Variants in TRAF3IP1 observed in about 807,000 individuals in gnomAD.
TRAF3IP1 encodes intraflagellar transport 54.
A neutral mutation model predicts 89.9 loss-of-function variants in TRAF3IP1; 53 were observed. The observed-to-expected ratio is 0.59, with a 90% CI of 0.47 to 0.74. The LOEUF (loss-of-function observed/expected upper bound fraction) is 0.74. Ranked by LOEUF, TRAF3IP1 falls within the 30% of genes least tolerant of loss-of-function variation. TRAF3IP1 has a pLI of 0.00. For synonymous variants in TRAF3IP1, 311 were observed against 322.1 expected, an observed-to-expected ratio of 0.97 and a Z score of 0.37; for missense variants, 806 against 866.1, an observed-to-expected ratio of 0.93 and a Z score of 0.87.
At chr2:238,364,770 T>C (rs1699804942) in intron 15 of TRAF3IP1, among the ~76,000 whole-genome samples, 1 of 152,226 alleles carries the variant, frequency 6.6e-6, no homozygotes, top group Non-Finnish European at 1.5e-5. Flanking sequence ...TTGTGACTGC[T>C]CTCTTCTCTA....
intron 15 of TRAF3IP1, among the ~76,000 whole-genome samples, chr2:238,377,010 T>C (rs1574960061): frequency 1.3e-5 from 2 of 151,478 alleles, no homozygotes; most frequent in African/African-American, 2.4e-5. Context: ...GGCAGAGGAG[T>C]GATTCAAGCC....
chr2:238,387,904 C>A (rs1428134430), intron 15 of TRAF3IP1, among the ~76,000 whole-genome samples: 1 of 152,028 alleles, frequency 6.6e-6, no homozygotes, highest in Non-Finnish European at 1.5e-5. Flanking sequence ...CATAGCAAGA[C>A]CTTGTTTCTG....
intron 15 of TRAF3IP1, among the ~76,000 whole-genome samples, chr2:238,357,133 G>A (rs1699452049): frequency 6.6e-6 from 1 of 152,028 alleles, no homozygotes; most frequent in Non-Finnish European, 1.5e-5. Flanking sequence ...CTGGTTCCCC[G>A]CAGTCTCCCT....
chr2:238,382,081 C>G (rs185433090), intron 15 of TRAF3IP1, among the ~76,000 whole-genome samples: 9 of 152,186 alleles, frequency 5.9e-5, no homozygotes, highest in Admixed American at 4.6e-4. Context: ...ACTTGAGAAG[C>G]CTTTCCAGAA....
intron 13 of TRAF3IP1, 100 bp downstream of exon 13, chr2:238,353,050 A>G: frequency 6.5e-7 from 1 of 1,527,638 alleles, no homozygotes; most frequent in South Asian, 1.2e-5. Flanking sequence ...AATGTCCTGT[A>G]ATTTTTCAGT....
At chr2:238,354,215 A>C (rs1185884594) in intron 14 of TRAF3IP1, among the ~76,000 whole-genome samples, 1 of 151,826 alleles carries the variant, frequency 6.6e-6, no homozygotes, top group Non-Finnish European at 1.5e-5. Flanking sequence ...ATCCCAGTAC[A>C]CTCTTTAGCT....
At chr2:238,334,078 G>GTTTTTTTTTTTT (rs5839695) in intron 7 of TRAF3IP1, 43 bp downstream of exon 7, 1 of 993,672 alleles carries the variant, frequency 1.0e-6, no homozygotes. Flanking sequence ...ATGGATATTA[G>GTTTTTTTTTTTT]TTTTTTTTTT....
At chr2:238,382,214 T>C (rs1418985211) in intron 15 of TRAF3IP1, among the ~76,000 whole-genome samples, 1 of 152,124 alleles carries the variant, frequency 6.6e-6, no homozygotes, top group African/African-American at 2.4e-5. Flanking sequence ...GCGAAACAGA[T>C]GCCACAGTGG....
At chr2:238,335,668 C>G (rs1236684109) in intron 7 of TRAF3IP1, among the ~76,000 whole-genome samples, 2 of 152,142 alleles carry the variant, frequency 1.3e-5, no homozygotes, top group Admixed American at 6.5e-5. Flanking sequence ...CCTCTAACTT[C>G]AGCTTAGTGA....
At chr2:238,332,655 C>T (rs997158106) in intron 5 of TRAF3IP1, among the ~76,000 whole-genome samples, 169 bp from the exon 6 acceptor site, 7 of 152,130 alleles carry the variant, frequency 4.6e-5, no homozygotes, top group South Asian at 2.1e-4. Flanking sequence ...TCTTGGGGAA[C>T]GCAGGCAGCA....
chr2:238,383,845 A>T (rs938697156), intron 15 of TRAF3IP1, among the ~76,000 whole-genome samples: 2 of 152,022 alleles, frequency 1.3e-5, no homozygotes, highest in Admixed American at 6.6e-5. Context: ...TCCTGTTGTT[A>T]TTCTTTGCAT....
rs942590749 is a variant in TRAF3IP1, at chr2:238,340,815, G to A, written c.1159+2358G>A. Among the ~76,000 whole-genome samples the A allele has an allele frequency of 6.0e-3, 473 of 79,204 alleles. 4 individuals are homozygous for A. The highest frequency in any genetic ancestry group is 0.017 in the African/African-American group (439 of 25,612). 52.0% of individuals were successfully genotyped at this position (79,204 alleles called of 152,430 possible). ...TTTTGCTTAATGTACAGTTATGCGT[G>A]TGTGTGTGTGTGTGTGTGTATATAT... is the stretch of plus-strand genomic sequence containing the variant. On this transcript the variant is annotated intron_variant, in intron 8 of 16. Coordinates refer to ENST00000373327, the MANE Select transcript of TRAF3IP1 (RefSeq NM_015650.4).
rs547056718 is a variant in TRAF3IP1, at chr2:238,338,914, G to T, written c.1159+457G>T. Among the ~76,000 whole-genome samples, 257 of 152,344 alleles carry T rather than the reference G, an allele frequency of 1.7e-3. 1 individual carries two copies. Among genetic ancestry groups the T allele is most frequent in the Middle Eastern group, 6.8e-3 (2 of 294 alleles). Reference sequence around the variant, plus strand: ...CATTCAGTCCAGCCGTGTGGTGGGTGTGCCCAGCCCTCGTCCTGCTGCCTC... The same window carrying T: ...CATTCAGTCCAGCCGTGTGGTGGGTTTGCCCAGCCCTCGTCCTGCTGCCTC... On this transcript the variant is annotated intron_variant, in intron 8 of 16. Coordinates refer to ENST00000373327, the MANE Select transcript of TRAF3IP1 (RefSeq NM_015650.4).
chr2:238,353,429 C>T (rs2106327962), intron 14 of TRAF3IP1, among the ~76,000 whole-genome samples: 1 of 152,234 alleles, frequency 6.6e-6, no homozygotes, highest in Non-Finnish European at 1.5e-5. Context: ...AGGGGGAGGG[C>T]ACAGTTGGAA....
At chr2:238,353,883 C>T (rs1699287402) in intron 14 of TRAF3IP1, among the ~76,000 whole-genome samples, 1 of 152,198 alleles carries the variant, frequency 6.6e-6, no homozygotes. Flanking sequence ...AAGTGATTCT[C>T]GTGCCTCAGC....
intron 15 of TRAF3IP1, among the ~76,000 whole-genome samples, chr2:238,395,648 A>T (rs908344164): frequency 6.6e-6 from 1 of 152,206 alleles, no homozygotes; most frequent in Non-Finnish European, 1.5e-5. Flanking sequence ...CAAAGGGCTA[A>T]TATCCAGAAT....
chr2:238,376,065 T>C (rs1327721206), intron 15 of TRAF3IP1, among the ~76,000 whole-genome samples: 1 of 152,224 alleles, frequency 6.6e-6, no homozygotes, highest in African/African-American at 2.4e-5. Flanking sequence ...GGTCAGGTAG[T>C]AAATATTTTC....
At chr2:238,396,519 T>TA (rs1246143826) in intron 15 of TRAF3IP1, among the ~76,000 whole-genome samples, 1 of 150,030 alleles carries the variant, frequency 6.7e-6, no homozygotes, top group Non-Finnish European at 1.5e-5. Flanking sequence ...CCCTAAAACT[T>TA]AAAGTATAAT....
At chr2:238,377,999 T>C (rs1186854144) in intron 15 of TRAF3IP1, among the ~76,000 whole-genome samples, 2 of 152,138 alleles carry the variant, frequency 1.3e-5, no homozygotes, top group Admixed American at 1.3e-4. Flanking sequence ...GGATGTAGTT[T>C]AGTTTAGTTT....
Sources: gnomAD v4.1 joint callset for allele counts (sites outside exome capture counted in the v4.1 genomes callset) on GRCh38, gnomAD v4.1.1 for gene constraint, MANE v1.5 for transcripts, NCBI Gene and HGNC (gene_info 2026-07-23, HGNC 2026-07-21) for gene names.